PRDM11: variants seen among roughly 807,000 people sequenced by gnomAD.
PRDM11 encodes PR/SET domain 11, also known as PR domain-containing protein 11.
A neutral mutation model predicts 97.8 loss-of-function variants in PRDM11; 20 were observed. The observed-to-expected ratio is 0.20, with a 90% CI of 0.14 to 0.30. The LOEUF (loss-of-function observed/expected upper bound fraction) is 0.30, where lower values mean the gene tolerates loss of function less well. PRDM11 is among the 10% of genes least tolerant of loss of function. PRDM11 has a pLI of 1.00. For missense variants in PRDM11, 1,139 were observed against 1,555.2 expected, an observed-to-expected ratio of 0.73 and a Z score of 4.50; for synonymous variants, 599 against 637.7, an observed-to-expected ratio of 0.94 and a Z score of 0.91.
rs115416577 is a variant in PRDM11 at position 45,106,594 on chromosome 11, G to A, written c.96+10693G>A. ...CTCTGCCCATAATGCCTGAGGCGCC[G>A]GCTGGAAGATTAAGGCTGGGGTGAC... On this transcript the variant is annotated intron_variant, in intron 1 of 6. Transcript: ENST00000530656. 9.6e-3 allele frequency among the ~76,000 whole-genome samples: 1,456 copies of A among 152,184 alleles called. 18 individuals are homozygous for A. The highest frequency in any genetic ancestry group is 0.033 in the African/African-American group (1,367 of 41,512).
At chr11:45,180,699 G>GCGGGCCGGGC (rs1042187274) in intron 1 of PRDM11, among the ~76,000 whole-genome samples, 5 of 149,864 alleles carry the variant, frequency 3.3e-5, no homozygotes, top group Admixed American at 3.3e-4. Flanking sequence ...GCAGGGCCGG[G>GCGGGCCGGGC]CGGGCCGGGC....
In PRDM11 at chr11:45,098,791, C is replaced by A. The variant is rs540110921; in HGVS notation, c.96+2890C>A. Among the ~76,000 whole-genome samples, 10 of 152,218 alleles carry A rather than the reference C, an allele frequency of 6.6e-5. No individual in the cohort carries two copies. In the Middle Eastern group the frequency reaches 0.014, roughly 207 times the overall value. On this transcript the variant is annotated intron_variant, in intron 1 of 6. Transcript: ENST00000530656. ...ACTGTGAAGCCTGAGAAAGGTAGTGCTCCATAGTGGGTATGGGAAAGGGCC... is the reference window on the plus strand; with the variant it reads ...ACTGTGAAGCCTGAGAAAGGTAGTGATCCATAGTGGGTATGGGAAAGGGCC...
intron 1 of PRDM11, among the ~76,000 whole-genome samples, chr11:45,152,568 G>T (rs1851685628): frequency 6.6e-6 from 1 of 152,194 alleles, no homozygotes; most frequent in African/African-American, 2.4e-5. Context: ...TGTATGAATA[G>T]TATATGCCAT....
In PRDM11 at chr11:45,182,316, G is replaced by C; in HGVS notation, c.190G>C (p.Val64Leu). The C allele has an allele frequency of 6.2e-7, 1 of 1,614,012 alleles. No homozygotes were observed. Among genetic ancestry groups the C allele is most frequent in the Non-Finnish European group, 8.5e-7 (1 of 1,180,014 alleles). ...KKLKGKRDLI[V>L]PKSFQQVDFW... is the part of the protein sequence containing the mutation. ...ACTGAAGGGGAAGCGCGACCTCATCGTGCCCAAAAGCTTCCAGCAAGTGGA... is the reference window on the plus strand; with the variant it reads ...ACTGAAGGGGAAGCGCGACCTCATCCTGCCCAAAAGCTTCCAGCAAGTGGA... Residue 64 changes from valine to leucine, a missense_variant, in exon 3 of 8, where the codon GTG (valine) becomes CTG (leucine). Val to Leu is a conservative substitution (Grantham distance 32). Around this residue, in one of 2 missense-constraint regions of PRDM11, gnomAD observed 429 missense variants for 510.3 expected, o/e 0.84. Transcript: ENST00000683152.
At chr11:45,146,268 G>A (rs552540807), upstream of PRDM11, among the ~76,000 whole-genome samples, 16 of 152,110 alleles carry the variant, frequency 1.1e-4, no homozygotes, top group Admixed American at 5.9e-4. Context: ...GACTCCCCCC[G>A]ACTATTTGGT....
At chr11:45,212,279 A>G (rs925817385) in intron 5 of PRDM11, among the ~76,000 whole-genome samples, 4 of 152,128 alleles carry the variant, frequency 2.6e-5, no homozygotes, top group Admixed American at 6.5e-5. Context: ...ACTTCCCCCC[A>G]GGGATGCTGG....
rs1300997073 is a variant in PRDM11 at position 45,227,182 on chromosome 11, A to G, written c.2557A>G (p.Ser853Gly). ...LEVVAHLKEV[S>G]SQTQRADASA... ...GGTGGTGGCCCATCTCAAGGAGGTCAGCAGCCAGACCCAGCGGGCAGACGC... is the reference window on the plus strand; with the variant it reads ...GGTGGTGGCCCATCTCAAGGAGGTCGGCAGCCAGACCCAGCGGGCAGACGC... Residue 853 changes from serine (S) to glycine (G), a missense_variant, in exon 8 of 8, where the codon AGC becomes GGC. Around this residue, in one of 2 missense-constraint regions of PRDM11, gnomAD observed 710 missense variants for 1,044.9 expected, o/e 0.68. Transcript: ENST00000683152. This position sits in a 1 kb window ranked among gnomAD's most constrained non-coding sequence, Gnocchi z 8.0. 2.6e-6 allele frequency: 4 copies of G among 1,533,888 alleles called. No homozygotes were observed. The highest frequency in any genetic ancestry group is 3.5e-6 in the Non-Finnish European group (4 of 1,146,742).
chr11:45,210,132 C>T (rs1203512901), intron 5 of PRDM11, among the ~76,000 whole-genome samples: 1 of 152,168 alleles, frequency 6.6e-6, no homozygotes, highest in African/African-American at 2.4e-5. Flanking sequence ...AGATCAGTTC[C>T]TTTCTGTGTC....
chr11:45,131,196 C>T (rs1183044607), intron 1 of PRDM11, among the ~76,000 whole-genome samples: 1 of 152,168 alleles, frequency 6.6e-6, no homozygotes, highest in Admixed American at 6.5e-5. Context: ...ATTGGCAAAA[C>T]TCACTTGTGG....
intron 5 of PRDM11, among the ~76,000 whole-genome samples, chr11:45,211,280 C>G (rs1490281696): frequency 1.3e-5 from 2 of 152,218 alleles, no homozygotes. Flanking sequence ...CCCAGGACCC[C>G]TGGGAGGCAT....
At position 45,183,047 on chromosome 11, in the gene PRDM11, C is replaced by G; in HGVS notation, c.410C>G (p.Pro137Arg). Reference sequence around the variant, plus strand: ...GTGCGATGTGTAAACGAGGTCATCCCCAAGGGCCACATCTTCGGCCCCTAT... The same window carrying G: ...GTGCGATGTGTAAACGAGGTCATCCGCAAGGGCCACATCTTCGGCCCCTAT... ...SDVRCVNEVI[P>R]KGHIFGPYEG... The change falls in exon 4 of 8, where the codon CCC becomes CGC. Residue 137 changes from proline (P) to arginine (R), a missense_variant. Physicochemically the swap from Pro to Arg is moderately radical, Grantham distance 103. Coordinates refer to ENST00000683152, the MANE Select transcript of PRDM11 (RefSeq NM_001384648.1). 6.2e-7 allele frequency: 1 copy of G among 1,614,122 alleles called. No homozygotes were observed. The highest frequency in any genetic ancestry group is 1.3e-5 in the African/African-American group (1 of 75,048).
rs564325523 is a variant in PRDM11 at position 45,159,072 on chromosome 11, G to A, written c.-7+12195G>A. On this transcript the variant is annotated intron_variant, in intron 1 of 7. Transcript: ENST00000683152. ...AAGGACCCACTGGCCCAGCTCCCAGGGGTCTGCTCCCCGGGCTTCGGTTAG... is the reference window on the plus strand; with the variant it reads ...AAGGACCCACTGGCCCAGCTCCCAGAGGTCTGCTCCCCGGGCTTCGGTTAG... 3.2e-3 allele frequency among the ~76,000 whole-genome samples: 489 copies of A among 152,278 alleles called. 1 individual carries two copies. The highest frequency in any genetic ancestry group is 5.8e-3 in the Non-Finnish European group (392 of 68,010).
At chr11:45,172,740 A>G (rs1274672055) in intron 1 of PRDM11, among the ~76,000 whole-genome samples, 1 of 152,234 alleles carries the variant, frequency 6.6e-6, no homozygotes, top group Non-Finnish European at 1.5e-5. Flanking sequence ...GATTTAAAGT[A>G]TATGGGAGGA....
chr11:45,160,094 G>C (rs1399163828), intron 1 of PRDM11, among the ~76,000 whole-genome samples: 1 of 152,232 alleles, frequency 6.6e-6, no homozygotes, highest in Non-Finnish European at 1.5e-5. Flanking sequence ...CGAGTAGAGA[G>C]AGTAAAGGCT....
intron 1 of PRDM11, among the ~76,000 whole-genome samples, chr11:45,163,389 G>A (rs766266750): frequency 6.6e-5 from 10 of 152,226 alleles, no homozygotes; most frequent in African/African-American, 2.2e-4. Flanking sequence ...GGCATGGAGC[G>A]GGATTCCAGT....
intron 1 of PRDM11, among the ~76,000 whole-genome samples, chr11:45,110,313 A>G (rs1282737430): frequency 6.6e-6 from 1 of 152,178 alleles, no homozygotes; most frequent in East Asian, 1.9e-4. Context: ...ATGCCCTTAC[A>G]GAGATCTGGC....
At chr11:45,119,565 A>G (rs1488487376) in intron 1 of PRDM11, among the ~76,000 whole-genome samples, 1 of 128,404 alleles carries the variant, frequency 7.8e-6, no homozygotes, top group Non-Finnish European at 1.6e-5. Context: ...CAGTGGGTGG[A>G]GCCTGCAGTG....
chr11:45,191,937 C>G (rs575795621), intron 4 of PRDM11, among the ~76,000 whole-genome samples: 3 of 152,052 alleles, frequency 2.0e-5, no homozygotes, highest in Non-Finnish European at 4.4e-5. Flanking sequence ...CCTAACAACC[C>G]GTCATCTAGG....
At position 45,224,391 on chromosome 11, in the gene PRDM11, A is replaced by C; in HGVS notation, c.917A>C (p.Lys306Thr). The C allele has an allele frequency of 1.2e-6, 2 of 1,614,212 alleles. No homozygotes were observed. The highest frequency in any genetic ancestry group is 1.7e-6 in the Non-Finnish European group (2 of 1,180,030). ...AKKKKIDLIF[K>T]DVLEASLESA... ...AAGAAGAAAATTGACCTGATTTTCA[A>C]GGATGTTCTGGAGGCCTCACTGGAA... The change falls in exon 7 of 8, where the codon AAG becomes ACG. Residue 306 changes from lysine to threonine, a missense_variant. Around this residue, in one of 2 missense-constraint regions of PRDM11, gnomAD observed 429 missense variants for 510.3 expected, o/e 0.84. Coordinates refer to ENST00000683152, the MANE Select transcript of PRDM11 (RefSeq NM_001384648.1).
Sources: allele counts gnomAD v4.1 joint callset (sites outside exome capture counted in the v4.1 genomes callset), GRCh38; gene constraint gnomAD v4.1.1; regional missense constraint gnomAD v4.1.1; non-coding constraint Gnocchi (gnomAD v3.1); transcripts MANE v1.5; gene names NCBI Gene and HGNC (gene_info 2026-07-23, HGNC 2026-07-21).